Variants in DAB1 observed in about 807,000 individuals in gnomAD.
DAB1 encodes disabled homolog 1.
A neutral mutation model predicts 64.6 loss-of-function variants in DAB1; 15 were observed. The observed-to-expected ratio is 0.23, with a 90% CI of 0.16 to 0.36. DAB1 has a LOEUF of 0.36. Among genes scored for constraint, DAB1 ranks in the 10% least tolerant of loss-of-function variants. DAB1 has a pLI of 1.00. For synonymous variants in DAB1, 235 were observed against 251.9 expected (o/e 0.93, Z 0.64); for missense variants, 596 against 706.7 (o/e 0.84, Z 1.78).
intron 2 of DAB1, among the ~76,000 whole-genome samples, chr1:57,227,519 T>TTTTTTTTG (rs3222527): frequency 1.5e-5 from 2 of 135,726 alleles, no homozygotes; most frequent in African/African-American, 5.4e-5. Context: ...TTTTTTTCTT[T>TTTTTTTTG]TGTGTGTGTG....
chr1:58,009,255 C>T (rs1262338752), intron 5 of DAB1, among the ~76,000 whole-genome samples: 1 of 152,122 alleles, frequency 6.6e-6, no homozygotes, highest in Non-Finnish European at 1.5e-5. Flanking sequence ...CCTTGTAAAC[C>T]TAGTGCTCTT....
At chr1:58,490,014 A>G (rs1375039728) in intron 3 of DAB1, among the ~76,000 whole-genome samples, 1 of 152,244 alleles carries the variant, frequency 6.6e-6, no homozygotes, top group African/African-American at 2.4e-5. Flanking sequence ...GAAAAACTGA[A>G]AATTCTAAAA....
intron 1 of DAB1, among the ~76,000 whole-genome samples, chr1:57,314,652 G>A (rs569125346): frequency 6.6e-6 from 1 of 152,136 alleles, no homozygotes; most frequent in East Asian, 1.9e-4. Context: ...GCCTGGTGGG[G>A]CACACCTGTG....
At chr1:57,677,845 C>G (rs976487075) in intron 6 of DAB1, among the ~76,000 whole-genome samples, 5 of 152,148 alleles carry the variant, frequency 3.3e-5, no homozygotes, top group African/African-American at 4.8e-5. Context: ...AGTACCAGCC[C>G]TCAAGGAGCT....
At chr1:57,303,845 T>G (rs978563058) in intron 1 of DAB1, among the ~76,000 whole-genome samples, 1 of 152,098 alleles carries the variant, frequency 6.6e-6, no homozygotes, top group African/African-American at 2.4e-5. Flanking sequence ...ATACCCAGTG[T>G]TCACGAGGCC....
chr1:57,427,414 T>C (rs994468609), upstream of DAB1, among the ~76,000 whole-genome samples: 1 of 151,586 alleles, frequency 6.6e-6, no homozygotes, highest in Non-Finnish European at 1.5e-5. Context: ...CAAAATGGAG[T>C]TTTATTGAAC....
At chr1:57,796,679 G>A (rs1650889153) in intron 6 of DAB1, among the ~76,000 whole-genome samples, 1 of 152,154 alleles carries the variant, frequency 6.6e-6, no homozygotes, top group Admixed American at 6.5e-5. Context: ...AAGCAAAGGG[G>A]AGCTGAGTCA....
chr1:57,888,394 C>T (rs1644257684), upstream of DAB1, among the ~76,000 whole-genome samples: 1 of 152,144 alleles, frequency 6.6e-6, no homozygotes, highest in African/African-American at 2.4e-5. Context: ...CTCGATTCCA[C>T]TGTTCTATAT....
intron 2 of DAB1, among the ~76,000 whole-genome samples, chr1:57,279,235 T>C (rs1485446121): frequency 6.6e-6 from 1 of 152,198 alleles, no homozygotes; most frequent in Admixed American, 6.5e-5. Context: ...ATATTCAAGT[T>C]CTTTATATAA....
intron 4 of DAB1, among the ~76,000 whole-genome samples, chr1:58,157,229 T>A (rs966184238): frequency 3.3e-5 from 5 of 152,200 alleles, no homozygotes; most frequent in Non-Finnish European, 4.4e-5. Flanking sequence ...CATAATGCAA[T>A]CTTCATTGAA....
chr1:58,425,426 T>C (rs1644813502), intron 3 of DAB1, among the ~76,000 whole-genome samples: 1 of 152,228 alleles, frequency 6.6e-6, no homozygotes, highest in Non-Finnish European at 1.5e-5. Flanking sequence ...CTCTTAGTAT[T>C]TGCCTAAGCT....
At chr1:57,631,151 A>T (rs942767297) in intron 7 of DAB1, among the ~76,000 whole-genome samples, 1 of 152,198 alleles carries the variant, frequency 6.6e-6, no homozygotes, top group African/African-American at 2.4e-5. Flanking sequence ...CTCCTTCTCA[A>T]TACAAAACCT....
chr1:57,175,535 G>A (rs1043779020), intron 2 of DAB1, among the ~76,000 whole-genome samples: 4 of 152,122 alleles, frequency 2.6e-5, no homozygotes, highest in South Asian at 2.1e-4. Context: ...AAATAGAGCC[G>A]TATTTATATA....
intron 6 of DAB1, among the ~76,000 whole-genome samples, chr1:57,655,657 C>T (rs1202704690): frequency 4.6e-5 from 7 of 152,116 alleles, no homozygotes; most frequent in Admixed American, 1.3e-4. Context: ...TGTCAGATGG[C>T]GATAAGTGCC....
intron 2 of DAB1, among the ~76,000 whole-genome samples, chr1:57,175,058 G>A (rs1357882382): frequency 6.6e-6 from 1 of 152,084 alleles, no homozygotes; most frequent in African/African-American, 2.4e-5. Flanking sequence ...CGACATTTTG[G>A]TTACTTTCCA....
intron 4 of DAB1, among the ~76,000 whole-genome samples, chr1:58,257,127 A>G (rs753493792): frequency 5.9e-5 from 9 of 152,212 alleles, no homozygotes; most frequent in African/African-American, 1.7e-4. Context: ...CTCCATGAGT[A>G]TAATTATCCA....
At position 57,680,663 on chromosome 1, in the gene DAB1, C is replaced by T. The variant is rs974968987; in HGVS notation, n.552-30998G>A. Reference sequence around the variant, plus strand: ...CTTTTAAGGACTCTTGTGACTACATCGAGCTGAAGTTTATTTCATCTTAAG... The same window carrying T: ...CTTTTAAGGACTCTTGTGACTACATTGAGCTGAAGTTTATTTCATCTTAAG... On this transcript the variant is annotated intron_variant and non_coding_transcript_variant, in intron 6 of 20. Transcript: ENST00000485760. Among the ~76,000 whole-genome samples the T allele has an allele frequency of 7.9e-5, 12 of 152,168 alleles. No homozygotes were observed. In the South Asian group the frequency reaches 1.5e-3, roughly 18 times the overall value.
chr1:57,019,820 G>T (rs1364153343), intron 11 of DAB1, among the ~76,000 whole-genome samples: 2 of 152,232 alleles, frequency 1.3e-5, no homozygotes, highest in Non-Finnish European at 2.9e-5. Flanking sequence ...GGGAACACCT[G>T]CCTTGCTGCC....
chr1:57,703,416 CA>C (rs1388016090), intron 6 of DAB1, among the ~76,000 whole-genome samples: 1 of 152,076 alleles, frequency 6.6e-6, no homozygotes, highest in Non-Finnish European at 1.5e-5. Flanking sequence ...TACATGCATC[CA>C]ACAATCATGT....
Sources: allele counts gnomAD v4.1 joint callset (sites outside exome capture counted in the v4.1 genomes callset), GRCh38; gene constraint gnomAD v4.1.1; transcripts MANE v1.5; gene names NCBI Gene and HGNC (gene_info 2026-07-23, HGNC 2026-07-21).